The following PRMT7 variants were observed in gnomAD, a reference collection of about 807,000 sequenced individuals.
PRMT7 encodes protein arginine methyltransferase 7, also known as protein arginine N-methyltransferase 7.
A neutral mutation model predicts 85.4 loss-of-function variants in PRMT7; 75 were observed. That is an observed-to-expected ratio of 0.88 (90% CI 0.73 to 1.06). The LOEUF (loss-of-function observed/expected upper bound fraction) is 1.06, where lower values mean the gene tolerates loss of function less well. Ranked by LOEUF, PRMT7 falls within the 50% of genes least tolerant of loss-of-function variation. PRMT7 has a pLI of 0.00. For synonymous variants in PRMT7, 397 were observed against 359.5 expected (o/e 1.10, Z -1.18); for missense variants, 868 against 915.2 (o/e 0.95, Z 0.67).
At chr16:68,355,440 A>G (rs1284108491) in intron 16 of PRMT7, 1 of 305,864 alleles carries the variant, frequency 3.3e-6, no homozygotes, top group Non-Finnish European at 6.0e-6. Flanking sequence ...GGGTGTTCTC[A>G]CCAGTGATGT....
intron 9 of PRMT7, among the ~76,000 whole-genome samples, chr16:68,342,694 C>T (rs192186521): frequency 9.2e-5 from 14 of 152,258 alleles, no homozygotes; most frequent in Non-Finnish European, 2.1e-4. Flanking sequence ...GTACCCATAC[C>T]GACAGCAGCA....
At chr16:68,334,687 C>T (rs1483468906) in intron 6 of PRMT7, among the ~76,000 whole-genome samples, 1 of 152,180 alleles carries the variant, frequency 6.6e-6, no homozygotes, top group Non-Finnish European at 1.5e-5. Context: ...CTACCTGCTT[C>T]AGACTCCCCC....
At position 68,321,481 on chromosome 16, in the gene PRMT7, T is replaced by C. The variant is rs1193664623; in HGVS notation, c.132+19T>C. On this transcript the variant is annotated intron_variant, in intron 4 of 18. Coordinates refer to ENST00000441236, the MANE Select transcript of PRMT7 (RefSeq NM_019023.5). Reference sequence around the variant, plus strand: ...AGACAGAGTAAGTGTAAAAGGAAACTATTATCTTGATGTGGGGTGTTTTGA... The same window carrying C: ...AGACAGAGTAAGTGTAAAAGGAAACCATTATCTTGATGTGGGGTGTTTTGA... 6.3e-7 allele frequency: 1 copy of C among 1,597,478 alleles called. No homozygotes were observed. The highest frequency in any genetic ancestry group is 8.6e-7 in the Non-Finnish European group (1 of 1,168,018).
Position 68,330,757 on chromosome 16 carries a change from G to A in PRMT7, c.391+1583G>A, listed in dbSNP as rs1172875505. On this transcript the variant is annotated intron_variant, in intron 6 of 18. Coordinates refer to ENST00000441236, the MANE Select transcript of PRMT7 (RefSeq NM_019023.5). ...TTACAGGCGTGCACCACCATGCCTG[G>A]CTAATTTTTGTATTTTTAGTGGAGA... Among the ~76,000 whole-genome samples, 34 of 151,982 alleles carry A rather than the reference G, an allele frequency of 2.2e-4. 1 individual carries two copies. The highest frequency in any genetic ancestry group is 2.2e-3 in the Admixed American group (34 of 15,252).
At position 68,337,485 on chromosome 16, in the gene PRMT7, A is replaced by AT. The variant is rs1487426500; in HGVS notation, c.419dup (p.Leu141ProfsTer7). Reference sequence around the variant, plus strand: ...GGGTGACATGCCATGCCGTGCCAACATCCTGGTCACAGAGTTGTTTGACAC... The same window carrying AT: ...GGGTGACATGCCATGCCGTGCCAACATTCCTGGTCACAGAGTTGTTTGACAC... On this transcript the variant is annotated frameshift_variant, in exon 7 of 19. Coordinates refer to ENST00000441236, the MANE Select transcript of PRMT7 (RefSeq NM_019023.5). LOFTEE classifies it high-confidence loss of function. 3 of 1,611,780 alleles carry AT rather than the reference A, an allele frequency of 1.9e-6. No homozygotes were observed.
chr16:68,358,749 C>T (rs2089010406), downstream of PRMT7: 1 of 152,510 alleles, frequency 6.6e-6, no homozygotes, highest in Non-Finnish European at 1.5e-5. Flanking sequence ...GGAACAGAGT[C>T]TTGGTATGGG....
At chr16:68,346,304 G>T in intron 11 of PRMT7, 24 bp downstream of exon 11, 2 of 1,611,552 alleles carry the variant, frequency 1.2e-6, no homozygotes, top group Non-Finnish European at 1.7e-6. Context: ...CCCTTGGCTT[G>T]TTGTGGGGAA....
At chr16:68,318,456 C>T (rs2082130044) in intron 3 of PRMT7, among the ~76,000 whole-genome samples, 1 of 152,236 alleles carries the variant, frequency 6.6e-6, no homozygotes, top group African/African-American at 2.4e-5. Flanking sequence ...GCCTCGGCCT[C>T]CCAAAGAGCT....
chr16:68,330,490 T>C (rs560595761), intron 6 of PRMT7, among the ~76,000 whole-genome samples: 7 of 152,172 alleles, frequency 4.6e-5, no homozygotes, highest in Non-Finnish European at 1.0e-4. Context: ...GAATGCAGTA[T>C]CATTCTGAAT....
chr16:68,332,868 T>C (rs2084104232), intron 6 of PRMT7, among the ~76,000 whole-genome samples: 1 of 152,250 alleles, frequency 6.6e-6, no homozygotes, highest in South Asian at 2.1e-4. Flanking sequence ...GGGAGCAAAC[T>C]GTGTTGCCTC....
intron 6 of PRMT7, among the ~76,000 whole-genome samples, chr16:68,333,446 A>T (rs975009191): frequency 5.9e-5 from 9 of 151,722 alleles, no homozygotes; most frequent in African/African-American, 2.2e-4. Flanking sequence ...GCGCTATTGC[A>T]CTTCAGCCTG....
chr16:68,337,624 TA>T, intron 7 of PRMT7, 53 bp downstream of exon 7: 1 of 1,247,138 alleles, frequency 8.0e-7, no homozygotes, highest in South Asian at 1.3e-5. Flanking sequence ...CCAGCTCACA[TA>T]GCACTCACTC....
At chr16:68,333,931 T>C (rs2151640914) in intron 6 of PRMT7, among the ~76,000 whole-genome samples, 1 of 152,162 alleles carries the variant, frequency 6.6e-6, no homozygotes, top group South Asian at 2.1e-4. Flanking sequence ...CACCACCACC[T>C]GGCTAATTTT....
intron 3 of PRMT7, among the ~76,000 whole-genome samples, chr16:68,319,711 A>AGAGTGTGTGTGTGTGTGT (rs1555543581): frequency 5.7e-5 from 8 of 141,446 alleles, no homozygotes; most frequent in Non-Finnish European, 9.1e-5. Context: ...TAAGAGTGAG[A>AGAGTGTGTGTGTGTGTGT]GTGTGTGTGT....
Position 68,311,058 on chromosome 16 carries a change from A to G in PRMT7, c.-260A>G. The G allele has an allele frequency of 1.2e-6, 1 of 848,714 alleles. No homozygotes were observed. Among genetic ancestry groups the G allele is most frequent in the African/African-American group, 1.7e-5 (1 of 60,010 alleles). The allele number at this position is 848,714 out of a possible 1,614,324, so 52.6% of individuals were successfully genotyped here. A position where few individuals can be genotyped will look rare whatever the true frequency, so the allele number is the denominator to read the frequency against. On this transcript the variant is annotated 5_prime_UTR_variant, in exon 1 of 19. Transcript: ENST00000441236. ...CCGCCCCGCGTGCTGGCCGCGGTAAAAGTGGTAGCAGCGGAGGCGAGCGGA... is the reference window on the plus strand; with the variant it reads ...CCGCCCCGCGTGCTGGCCGCGGTAAGAGTGGTAGCAGCGGAGGCGAGCGGA...
intron 6 of PRMT7, among the ~76,000 whole-genome samples, chr16:68,335,212 G>A (rs902060929): frequency 2.6e-5 from 4 of 152,188 alleles, no homozygotes; most frequent in African/African-American, 4.8e-5. Context: ...GTTGTAGGGT[G>A]ACAGAAATCA....
chr16:68,332,465 G>C (rs942859964), intron 6 of PRMT7, among the ~76,000 whole-genome samples: 4 of 152,164 alleles, frequency 2.6e-5, no homozygotes, highest in African/African-American at 9.7e-5. Flanking sequence ...TGTCTGCTGA[G>C]AGCTCTAGGT....
chr16:68,339,920 G>A lies in PRMT7; in HGVS notation c.879G>A (p.Lys293=), dbSNP rs777409656. 40 of 1,614,058 alleles carry A rather than the reference G, an allele frequency of 2.5e-5. No homozygotes were observed. The highest frequency in any genetic ancestry group is 3.2e-5 in the Non-Finnish European group (38 of 1,180,038). The change falls in exon 9 of 19, where the codon AAG becomes AAA. Residue 293 remains lysine, a synonymous_variant. Coordinates refer to ENST00000441236, the MANE Select transcript of PRMT7 (RefSeq NM_019023.5). ...DIEMDPEGKI[K]CTMAPFWAHS... is the part of the protein sequence containing the mutation. ...AAATGGACCCTGAGGGGAAGATCAAGTGCACCATGGCCCCCTTCTGGGCAC... is the reference window on the plus strand; with the variant it reads ...AAATGGACCCTGAGGGGAAGATCAAATGCACCATGGCCCCCTTCTGGGCAC...
intron 2 of PRMT7, among the ~76,000 whole-genome samples, chr16:68,314,475 G>A (rs893744768): frequency 6.6e-6 from 1 of 152,164 alleles, no homozygotes; most frequent in Admixed American, 6.5e-5. Context: ...CAGGTGATCC[G>A]CCTGCCTTGG....
Sources: allele counts gnomAD v4.1 joint callset (sites outside exome capture counted in the v4.1 genomes callset), GRCh38; gene constraint gnomAD v4.1.1; transcripts MANE v1.5; gene names NCBI Gene and HGNC (gene_info 2026-07-23, HGNC 2026-07-21).